The following EBF4 variants were observed in gnomAD, a reference collection of about 807,000 sequenced individuals.
The protein encoded by EBF4 is transcription factor COE4.
In EBF4, 34 loss-of-function variants were observed where a neutral mutation model predicts 67.1. The observed-to-expected ratio is 0.51, with a 90% CI of 0.39 to 0.67. The LOEUF (loss-of-function observed/expected upper bound fraction) is 0.67, where lower values mean the gene tolerates loss of function less well. Among genes scored for constraint, EBF4 ranks in the 30% least tolerant of loss-of-function variants. The pLI is 0.00. For missense variants in EBF4, 837 were observed against 873.3 expected, an observed-to-expected ratio of 0.96 and a Z score of 0.52; for synonymous variants, 387 against 377.7, an observed-to-expected ratio of 1.02 and a Z score of -0.29.
chr20:2,716,478 G>T (rs560652565), intron 6 of EBF4, among the ~76,000 whole-genome samples: 1 of 149,394 alleles, frequency 6.7e-6, no homozygotes, highest in Admixed American at 6.7e-5. Flanking sequence ...GTGGTGAGCC[G>T]AGATCGTGCC....
chr20:2,746,582 G>A (rs767369154), intron 6 of EBF4, among the ~76,000 whole-genome samples: 13 of 152,162 alleles, frequency 8.5e-5, no homozygotes, highest in Non-Finnish European at 1.8e-4. Flanking sequence ...AGCACTTGGT[G>A]ACCTCCTTTT....
At chr20:2,698,074 C>A (rs1051920344) in intron 1 of EBF4, among the ~76,000 whole-genome samples, 2 of 152,206 alleles carry the variant, frequency 1.3e-5, no homozygotes, top group African/African-American at 2.4e-5. Context: ...AGAGGGTGGG[C>A]AGAGAGCAGT....
chr20:2,705,524 T>C, intron 1 of EBF4, 53 bp from the exon 2 acceptor site: 1 of 1,550,800 alleles, frequency 6.4e-7, no homozygotes, highest in African/African-American at 1.4e-5. Context: ...GGCGCTGGAG[T>C]CTTTCTCACT....
intron 6 of EBF4, among the ~76,000 whole-genome samples, chr20:2,732,786 T>G (rs1815093955): frequency 6.6e-6 from 1 of 151,958 alleles, no homozygotes; most frequent in South Asian, 2.1e-4. Flanking sequence ...GCCATTGTGC[T>G]TTGTGTTTTC....
Position 2,758,902 on chromosome 20 carries a change from AC to A in EBF4, c.1739-6del. The A allele has an allele frequency of 6.4e-7, 1 of 1,551,552 alleles. No homozygotes were observed. The highest frequency in any genetic ancestry group is 8.7e-7 in the Non-Finnish European group (1 of 1,146,918). On this transcript the variant is annotated splice_polypyrimidine_tract_variant and splice_region_variant and intron_variant, in intron 15 of 16. Coordinates refer to ENST00000609451, the Ensembl canonical transcript of EBF4. Reference sequence around the variant, plus strand: ...GCTTATGGCTCCTTTTTCCTTGACTACTGCAGACCAGTCTTTTGAGGATTCT... The same window carrying A: ...GCTTATGGCTCCTTTTTCCTTGACTATGCAGACCAGTCTTTTGAGGATTCT...
chr20:2,730,034 C>T (rs114224606), intron 6 of EBF4, among the ~76,000 whole-genome samples: 6,883 of 152,234 alleles, frequency 0.045, 520 homozygotes, highest in African/African-American at 0.16. Flanking sequence ...TGCCGGCCAG[C>T]CCTATGGTGA....
chr20:2,730,801 G>A (rs920581970), intron 6 of EBF4, among the ~76,000 whole-genome samples: 26 of 152,302 alleles, frequency 1.7e-4, no homozygotes, highest in Admixed American at 1.1e-3. Flanking sequence ...GAAAGCATTC[G>A]CTTTCTTCTC....
chr20:2,698,545 C>T (rs1217947571), intron 1 of EBF4, among the ~76,000 whole-genome samples: 1 of 152,046 alleles, frequency 6.6e-6, no homozygotes, highest in Admixed American at 6.5e-5. Context: ...AGAGCAGGGG[C>T]CAATGGGATG....
chr20:2,751,823 G>A lies in EBF4; in HGVS notation c.1107+35G>A, dbSNP rs1449701860. On this transcript the variant is annotated intron_variant, in intron 11 of 16. Transcript: ENST00000609451. This position sits in a 1 kb window ranked among gnomAD's most constrained non-coding sequence, Gnocchi z 5.2. Reference sequence around the variant, plus strand: ...GGGGCGGGGCGGGGCGGGGCTGAGGGTGTCCTGTGGGCAAGGGGGTGAGGA... The same window carrying A: ...GGGGCGGGGCGGGGCGGGGCTGAGGATGTCCTGTGGGCAAGGGGGTGAGGA... The A allele has an allele frequency of 6.5e-7, 1 of 1,548,920 alleles. No homozygotes were observed. Among genetic ancestry groups the A allele is most frequent in the Non-Finnish European group, 8.7e-7 (1 of 1,146,266 alleles).
Position 2,729,540 on chromosome 20 carries a change from G to C in EBF4, c.558-19009G>C, listed in dbSNP as rs75072573. 2.8e-4 allele frequency among the ~76,000 whole-genome samples: 42 copies of C among 152,190 alleles called. No homozygotes were observed. The East Asian group carries it at 8.1e-3, about 29-fold the overall frequency. ...TCCCCTACTAGGCCGAAGTGAGACA[G>C]ACACACCCCACACTTCCTCCCCATT... On this transcript the variant is annotated intron_variant, in intron 6 of 16. Coordinates refer to ENST00000609451, the Ensembl canonical transcript of EBF4.
intron 4 of EBF4, among the ~76,000 whole-genome samples, chr20:2,706,986 G>C (rs549008381): frequency 1.3e-5 from 2 of 152,312 alleles, no homozygotes; most frequent in African/African-American, 2.4e-5. Context: ...CCAACACAGG[G>C]CCCCAAATCT....
chr20:2,725,373 A>G (rs2087734640), intron 6 of EBF4, among the ~76,000 whole-genome samples: 1 of 151,816 alleles, frequency 6.6e-6, no homozygotes, highest in African/African-American at 2.4e-5. Context: ...CAATGATTCT[A>G]TTTTTTATTT....
chr20:2,704,382 A>G (rs960037268), intron 1 of EBF4, among the ~76,000 whole-genome samples: 1 of 152,134 alleles, frequency 6.6e-6, no homozygotes, highest in South Asian at 2.1e-4. Context: ...TAAGGAACAC[A>G]CTTTGGAAGG....
rs188397039 is a variant in EBF4 at position 2,716,917 on chromosome 20, T to A, written c.557+7275T>A. Among the ~76,000 whole-genome samples the A allele has an allele frequency of 2.5e-3, 388 of 152,356 alleles. 2 individuals carry two copies. The highest frequency in any genetic ancestry group is 0.012 in the Admixed American group (182 of 15,298). The stretch of plus-strand genomic sequence containing the variant: ...TGCAAGGACAAGTGTATAGGGCAAG[T>A]CTTCCACCTTCCCTGAACATTCTTC... On this transcript the variant is annotated intron_variant, in intron 6 of 16. Coordinates refer to ENST00000609451, the Ensembl canonical transcript of EBF4.
chr20:2,706,228 C>T (rs2087456184), exon 4 of EBF4: 1 of 1,552,102 alleles, frequency 6.4e-7, no homozygotes, highest in South Asian at 1.2e-5. Context: ...CAGAGCAAGA[C>T]CTCTACGTGC....
intron 6 of EBF4, among the ~76,000 whole-genome samples, chr20:2,743,957 A>G (rs902182965): frequency 2.6e-5 from 4 of 152,136 alleles, no homozygotes; most frequent in East Asian, 3.9e-4. Flanking sequence ...TATTCCTTCT[A>G]TCTTGCTATT....
Position 2,705,581 on chromosome 20 carries a change from G to A in EBF4, c.142G>A (p.Val48Met), listed in dbSNP as rs749337026. 1.9e-5 allele frequency: 29 copies of A among 1,551,850 alleles called. No individual in the cohort carries two copies. The highest frequency in any genetic ancestry group is 7.3e-5 in the East Asian group (3 of 40,936). The change falls in exon 2 of 17, where the codon GTG becomes ATG. Residue 48 changes from valine to methionine, a missense_variant. Transcript: ENST00000609451. ...CCAGCTCTTTTCCTCCCACAGTGGC[G>A]TGGGTCTGGCACGAGCACATTTTGA... is the stretch of plus-strand genomic sequence containing the variant.
Position 2,747,931 on chromosome 20 carries a change from G to A in EBF4, c.558-618G>A, listed in dbSNP as rs191468309. 1.1e-4 allele frequency among the ~76,000 whole-genome samples: 17 copies of A among 152,208 alleles called. No individual in the cohort carries two copies. Among genetic ancestry groups the A allele is most frequent in the Admixed American group, 1.0e-3 (16 of 15,284 alleles). ...TATGCTTGTGTGAAGGTTATACCCC[G>A]AGTGTGTGTGATGGCTGTATTTTGT... is the stretch of plus-strand genomic sequence containing the variant. On this transcript the variant is annotated intron_variant, in intron 6 of 16. Coordinates refer to ENST00000609451, the Ensembl canonical transcript of EBF4. This position sits in a 1 kb window ranked among gnomAD's most constrained non-coding sequence, Gnocchi z 4.6.
At chr20:2,702,142 A>G (rs2146374072) in intron 1 of EBF4, among the ~76,000 whole-genome samples, 1 of 152,298 alleles carries the variant, frequency 6.6e-6, no homozygotes, top group East Asian at 1.9e-4. Flanking sequence ...GTCAGAAAGA[A>G]AGGTGTTGAG....
Sources: allele counts gnomAD v4.1 joint callset (sites outside exome capture counted in the v4.1 genomes callset), GRCh38; gene constraint gnomAD v4.1.1; non-coding constraint Gnocchi (gnomAD v3.1); transcripts MANE v1.5; gene names NCBI Gene and HGNC (gene_info 2026-07-23, HGNC 2026-07-21).